SOX5: variants seen among roughly 807,000 people sequenced by gnomAD.
SOX5 encodes the protein SRY-box transcription factor 5.
SOX5 carries 9 observed loss-of-function variants against 92.0 expected under a neutral mutation model. The ratio of observed to expected loss-of-function variants is 0.10; its 90% CI spans 0.06 to 0.17. The LOEUF is 0.17. SOX5 is among the 10% of genes least tolerant of loss of function. SOX5 has a pLI of 1.00. For missense variants in SOX5, 642 were observed against 944.5 expected, an observed-to-expected ratio of 0.68 and a Z score of 4.20; for synonymous variants, 344 against 336.3, an observed-to-expected ratio of 1.02 and a Z score of -0.25.
At chr12:24,445,836 T>C (rs987621537) in intron 1 of SOX5, among the ~76,000 whole-genome samples, 1 of 152,222 alleles carries the variant, frequency 6.6e-6, no homozygotes, top group Non-Finnish European at 1.5e-5. Flanking sequence ...ATTTACAGGA[T>C]AGAAGCAAGT....
At chr12:23,759,036 C>G (rs998101281) in intron 3 of SOX5, among the ~76,000 whole-genome samples, 160 of 10,376 alleles carry the variant, frequency 0.015, no homozygotes, top group Middle Eastern at 0.083. Context: ...CACAGACACA[C>G]ACACACACAC....
Position 24,000,486 on chromosome 12 carries a change from T to A in SOX5, c.-1-104462A>T, listed in dbSNP as rs972908819. ...AAAAATTAGGTTAGTATCCAACTGA[T>A]CTACATTGTGATAATTAGAAATGCA... On this transcript the variant is annotated intron_variant, in intron 4 of 4. Transcript: ENST00000446891. 3.9e-4 allele frequency among the ~76,000 whole-genome samples: 60 copies of A among 152,054 alleles called. 1 individual carries two copies. The highest frequency in any genetic ancestry group is 1.4e-3 in the African/African-American group (58 of 41,430).
chr12:24,184,193 C>T (rs892870997), intron 4 of SOX5, among the ~76,000 whole-genome samples: 1 of 152,006 alleles, frequency 6.6e-6, no homozygotes, highest in South Asian at 2.1e-4. Flanking sequence ...CATTGACAAC[C>T]AGAAAGAAAT....
At chr12:23,675,515 T>C (rs533991731) in intron 6 of SOX5, among the ~76,000 whole-genome samples, 2 of 152,130 alleles carry the variant, frequency 1.3e-5, no homozygotes, top group Admixed American at 6.6e-5. Context: ...GACTACAATG[T>C]GACCCCAAGC....
At chr12:23,596,424 A>C (rs1412204872) in intron 9 of SOX5, among the ~76,000 whole-genome samples, 1 of 152,208 alleles carries the variant, frequency 6.6e-6, no homozygotes, top group Non-Finnish European at 1.5e-5. Context: ...TGTAAGAGAG[A>C]CCGCTAAAAT....
chr12:23,812,834 A>G (rs960251135), intron 3 of SOX5, among the ~76,000 whole-genome samples: 5 of 152,162 alleles, frequency 3.3e-5, no homozygotes, highest in Non-Finnish European at 5.9e-5. Flanking sequence ...ACACTAATAC[A>G]CTTTTATTTG....
intron 1 of SOX5, among the ~76,000 whole-genome samples, chr12:24,420,993 T>C (rs1965825293): frequency 6.8e-6 from 1 of 146,980 alleles, no homozygotes; most frequent in Non-Finnish European, 1.5e-5. Context: ...AGCAGATAAG[T>C]TGTAAGGAAA....
intron 2 of SOX5, chr12:24,368,174 A>T (rs576144635): frequency 6.6e-6 from 1 of 152,346 alleles, no homozygotes; most frequent in Admixed American, 6.5e-5. Flanking sequence ...AATAAAAAGC[A>T]GAAGAGTCAA....
At chr12:23,652,117 A>G (rs545386796) in intron 7 of SOX5, among the ~76,000 whole-genome samples, 1 of 152,136 alleles carries the variant, frequency 6.6e-6, no homozygotes, top group South Asian at 2.1e-4. Flanking sequence ...TTAGTTCTCA[A>G]TCCATATATT....
chr12:23,994,558 C>A (rs1950861740), intron 4 of SOX5, among the ~76,000 whole-genome samples: 3 of 151,934 alleles, frequency 2.0e-5, no homozygotes, highest in Admixed American at 2.0e-4. Context: ...ATTATATAAC[C>A]AATACTATTT....
chr12:23,973,984 C>T (rs1316460774), intron 4 of SOX5, among the ~76,000 whole-genome samples: 1 of 152,166 alleles, frequency 6.6e-6, no homozygotes, highest in Non-Finnish European at 1.5e-5. Context: ...CAACACTGGT[C>T]CCTGGTGCCA....
chr12:24,399,025 A>T (rs533833963), intron 1 of SOX5, among the ~76,000 whole-genome samples: 1 of 152,348 alleles, frequency 6.6e-6, no homozygotes, highest in East Asian at 1.9e-4. Context: ...TTTAGACCAC[A>T]GCAGCCCCAG....
intron 6 of SOX5, among the ~76,000 whole-genome samples, chr12:23,673,949 C>A (rs551307057): frequency 2.0e-4 from 30 of 151,936 alleles, no homozygotes; most frequent in African/African-American, 7.2e-4. Flanking sequence ...AAAACCATAG[C>A]AAGTAAAAAA....
chr12:23,567,174 G>C lies in SOX5; in HGVS notation c.1343-3771C>G, dbSNP rs141124092. Among the ~76,000 whole-genome samples the C allele has an allele frequency of 5.5e-4, 84 of 152,292 alleles. 1 individual carries two copies. In the East Asian group the frequency reaches 0.012, roughly 21 times the overall value. On this transcript the variant is annotated intron_variant, in intron 10 of 14. Transcript: ENST00000451604. ...CAGAGGTTCAGTTAAATGGGCGTCAGACCATAAAGGCCAAAGAGACATATA... is the reference window on the plus strand; with the variant it reads ...CAGAGGTTCAGTTAAATGGGCGTCACACCATAAAGGCCAAAGAGACATATA...
chr12:23,701,750 A>T (rs964773456), intron 6 of SOX5, among the ~76,000 whole-genome samples: 3 of 152,018 alleles, frequency 2.0e-5, no homozygotes, highest in African/African-American at 7.2e-5. Context: ...CCCTCCCTCA[A>T]CATCCTGGTA....
At chr12:23,964,419 A>G (rs1368446750) in intron 4 of SOX5, among the ~76,000 whole-genome samples, 2 of 152,198 alleles carry the variant, frequency 1.3e-5, no homozygotes. Context: ...AAAAAATACC[A>G]GTCATGAAAT....
chr12:23,763,702 C>A (rs2094627417), intron 3 of SOX5, among the ~76,000 whole-genome samples: 1 of 151,508 alleles, frequency 6.6e-6, no homozygotes, highest in Non-Finnish European at 1.5e-5. Flanking sequence ...CCCAAAGGTT[C>A]TATTAGGTCC....
chr12:24,302,239 A>G (rs1948049284), intron 2 of SOX5, among the ~76,000 whole-genome samples: 1 of 152,252 alleles, frequency 6.6e-6, no homozygotes, highest in Non-Finnish European at 1.5e-5. Flanking sequence ...ACCCCTACAT[A>G]TGTATGTCCA....
At chr12:24,300,471 T>A (rs1332901193) in intron 2 of SOX5, among the ~76,000 whole-genome samples, 1 of 152,164 alleles carries the variant, frequency 6.6e-6, no homozygotes, top group African/African-American at 2.4e-5. Flanking sequence ...AATAGGACAT[T>A]ATCCTTGCAA....
Sources: allele counts gnomAD v4.1 joint callset (sites outside exome capture counted in the v4.1 genomes callset), GRCh38; gene constraint gnomAD v4.1.1; transcripts MANE v1.5; gene names NCBI Gene and HGNC (gene_info 2026-07-23, HGNC 2026-07-21).